The following CTNNA3 variants were observed in gnomAD, a reference collection of about 807,000 sequenced individuals.
CTNNA3 encodes the protein catenin alpha-3.
CTNNA3 carries 76 observed loss-of-function variants against 95.7 expected under a neutral mutation model. The observed-to-expected ratio is 0.79, with a 90% CI of 0.66 to 0.96. CTNNA3 has a LOEUF of 0.96. CTNNA3 is among the 40% of genes least tolerant of loss of function. The pLI, the probability that CTNNA3 is intolerant of heterozygous loss-of-function variation, is 0.00. For synonymous variants in CTNNA3, 431 were observed against 374.4 expected, an observed-to-expected ratio of 1.15 and a Z score of -1.74; for missense variants, 1,191 against 1,089.8, an observed-to-expected ratio of 1.09 and a Z score of -1.31.
chr10:67,508,768 G>T (rs1407014497), intron 5 of CTNNA3, among the ~76,000 whole-genome samples: 1 of 152,032 alleles, frequency 6.6e-6, no homozygotes, highest in African/African-American at 2.4e-5. Flanking sequence ...CCAATAAGAG[G>T]TTAGTATTGA....
intron 12 of CTNNA3, among the ~76,000 whole-genome samples, chr10:66,350,277 A>C (rs2092556831): frequency 6.6e-6 from 1 of 152,108 alleles, no homozygotes; most frequent in African/African-American, 2.4e-5. Context: ...TCTTAGAGGA[A>C]GCATTCAGGA....
intron 5 of CTNNA3, among the ~76,000 whole-genome samples, chr10:67,331,568 T>G (rs1841796318): frequency 2.0e-5 from 3 of 152,168 alleles, no homozygotes. Context: ...TTTGGAACAG[T>G]GACCTAGAAG....
At chr10:66,320,052 A>T (rs72801005) in intron 12 of CTNNA3, among the ~76,000 whole-genome samples, 8,460 of 152,202 alleles carry the variant, frequency 0.056, 327 homozygotes, top group Middle Eastern at 0.082. Flanking sequence ...AACCTACATT[A>T]TACCTACGTT....
chr10:67,397,702 C>T (rs116772111), intron 5 of CTNNA3, among the ~76,000 whole-genome samples: 6,591 of 152,284 alleles, frequency 0.043, 454 homozygotes, highest in African/African-American at 0.15. Flanking sequence ...CCATTACAGG[C>T]ATAGAGGCCT....
intron 13 of CTNNA3, among the ~76,000 whole-genome samples, chr10:66,146,155 G>A (rs752993851): frequency 6.6e-6 from 1 of 152,086 alleles, no homozygotes; most frequent in East Asian, 1.9e-4. Flanking sequence ...CCCGGCCGAA[G>A]TGGCTTTTTT....
At chr10:66,751,210 G>T (rs886230240) in intron 9 of CTNNA3, among the ~76,000 whole-genome samples, 3 of 152,134 alleles carry the variant, frequency 2.0e-5, no homozygotes, top group Non-Finnish European at 4.4e-5. Flanking sequence ...AGAGGTTGCA[G>T]TGAGCCTAGA....
At chr10:66,258,090 A>T (rs1589872744) in intron 13 of CTNNA3, among the ~76,000 whole-genome samples, 1 of 152,298 alleles carries the variant, frequency 6.6e-6, no homozygotes, top group East Asian at 1.9e-4. Context: ...ACCTTTTCGG[A>T]CAGGCCCTAG....
At chr10:66,770,331 C>T (rs1328743197) in intron 8 of CTNNA3, among the ~76,000 whole-genome samples, 2 of 152,080 alleles carry the variant, frequency 1.3e-5, no homozygotes, top group Non-Finnish European at 1.5e-5. Context: ...TTTTCCTGCC[C>T]AGTGGCACAA....
At chr10:67,461,414 C>CT (rs1847371845) in intron 5 of CTNNA3, among the ~76,000 whole-genome samples, 2 of 152,056 alleles carry the variant, frequency 1.3e-5, no homozygotes, top group African/African-American at 4.8e-5. Flanking sequence ...TCCTGACCTA[C>CT]TTAGCTTGTA....
rs904742259 is a variant in CTNNA3, at chr10:66,402,912, T to C, written c.1532-23560A>G. 2.0e-5 allele frequency among the ~76,000 whole-genome samples: 3 copies of C among 152,236 alleles called. No individual in the cohort carries two copies. In the South Asian group the frequency reaches 6.2e-4, roughly 32 times the overall value. On this transcript the variant is annotated intron_variant, in intron 11 of 17. Transcript: ENST00000433211. ...AGTGAAGACTGAACTTTAATCATCATATTTGTTCCAAGTTTTTTCCCGAGG... is the reference window on the plus strand; with the variant it reads ...AGTGAAGACTGAACTTTAATCATCACATTTGTTCCAAGTTTTTTCCCGAGG...
chr10:66,686,696 G>T (rs1427297738), intron 9 of CTNNA3, among the ~76,000 whole-genome samples: 2 of 152,114 alleles, frequency 1.3e-5, no homozygotes, highest in Non-Finnish European at 2.9e-5. Context: ...TAAATGGAAA[G>T]AATGTTCTTG....
chr10:66,181,769 G>A (rs1255558647), intron 13 of CTNNA3, among the ~76,000 whole-genome samples: 1 of 152,032 alleles, frequency 6.6e-6, no homozygotes, highest in Non-Finnish European at 1.5e-5. Flanking sequence ...TTTTGAGTTG[G>A]TATGCTTAAG....
At chr10:67,110,171 C>T (rs1436235356) in intron 7 of CTNNA3, among the ~76,000 whole-genome samples, 2 of 152,182 alleles carry the variant, frequency 1.3e-5, no homozygotes, top group Non-Finnish European at 2.9e-5. Context: ...TAGACAATAA[C>T]TACTTCTATT....
chr10:66,766,165 G>A (rs1386611332), intron 9 of CTNNA3, 99 bp downstream of exon 9: 11 of 1,174,268 alleles, frequency 9.4e-6, no homozygotes, highest in African/African-American at 6.1e-5. Flanking sequence ...TTTGTAACAC[G>A]GTGTCAAAAG....
chr10:66,521,324 CA>C (rs1366502019), intron 10 of CTNNA3, among the ~76,000 whole-genome samples: 1 of 152,062 alleles, frequency 6.6e-6, no homozygotes, highest in Non-Finnish European at 1.5e-5. Context: ...GTGATGATAT[CA>C]GGCATTTAAT....
intron 1 of CTNNA3, among the ~76,000 whole-genome samples, chr10:67,727,836 A>G (rs1841248541): frequency 7.7e-6 from 1 of 130,246 alleles, no homozygotes; most frequent in Admixed American, 8.6e-5. Context: ...ATTACATATA[A>G]TATAGTATAT....
intron 17 of CTNNA3, among the ~76,000 whole-genome samples, chr10:65,922,801 C>A (rs10996777): frequency 6.6e-6 from 1 of 151,952 alleles, no homozygotes; most frequent in African/African-American, 2.4e-5. Context: ...AGATACTACC[C>A]GAGACTGGGT....
At chr10:67,241,140 G>C (rs1022420935) in intron 5 of CTNNA3, among the ~76,000 whole-genome samples, 1 of 152,032 alleles carries the variant, frequency 6.6e-6, no homozygotes, top group Non-Finnish European at 1.5e-5. Flanking sequence ...ATAGGTCAGG[G>C]CCAGGGGTGA....
intron 12 of CTNNA3, among the ~76,000 whole-genome samples, chr10:66,307,496 A>T (rs1346898808): frequency 6.6e-6 from 1 of 152,212 alleles, no homozygotes; most frequent in Non-Finnish European, 1.5e-5. Context: ...TAGAATATGT[A>T]AGTGGCTCCA....
Sources: gnomAD v4.1 joint callset for allele counts (sites outside exome capture counted in the v4.1 genomes callset) on GRCh38, gnomAD v4.1.1 for gene constraint, MANE v1.5 for transcripts, NCBI Gene and HGNC (gene_info 2026-07-23, HGNC 2026-07-21) for gene names.